PCDHA4: variants seen among roughly 807,000 people sequenced by gnomAD.
PCDHA4 encodes protocadherin alpha 4, also known as protocadherin alpha-4.
Under a neutral mutation model 61.4 loss-of-function variants are expected in PCDHA4, and 49 were observed. The observed-to-expected ratio is 0.80, with a 90% confidence interval of 0.63 to 1.01. The LOEUF (loss-of-function observed/expected upper bound fraction) is 1.01. Ranked by LOEUF, PCDHA4 falls within the 50% of genes least tolerant of loss-of-function variation. The pLI, the probability that PCDHA4 is intolerant of heterozygous loss-of-function variation, is 0.00. For synonymous variants in PCDHA4, 590 were observed against 550.3 expected (o/e 1.07, Z -1.01); for missense variants, 1,254 against 1,235.8 (o/e 1.01, Z -0.22).
intron 1 of PCDHA4, among the ~76,000 whole-genome samples, chr5:140,946,879 G>A (rs246051): frequency 0.56 from 84,931 of 150,730 alleles, 24,535 homozygotes; most frequent in African/African-American, 0.69. Flanking sequence ...CAATGGGTAC[G>A]AAGTTACAAT....
At chr5:140,835,917 G>T in intron 1 of PCDHA4, 1 of 1,612,332 alleles carries the variant, frequency 6.2e-7, no homozygotes, top group Non-Finnish European at 8.5e-7. Flanking sequence ...GTCAGTGCAC[G>T]CGGAGAGCGG....
In PCDHA4 at chr5:140,841,946, C is replaced by T. The variant is rs2150326253; in HGVS notation, c.2385+32374C>T. 2.0e-5 allele frequency: 32 copies of T among 1,613,790 alleles called. No homozygotes were observed. The Admixed American group carries it at 5.3e-4, about 27-fold the overall frequency. Reference sequence around the variant, plus strand: ...GGACAGAGAGGACGCTCCTGCGCACCACTTATTCCTGACAGCCACAGATGG... The same window carrying T: ...GGACAGAGAGGACGCTCCTGCGCACTACTTATTCCTGACAGCCACAGATGG... On this transcript the variant is annotated intron_variant, in intron 1 of 3. Transcript: ENST00000530339.
chr5:140,876,456 TTCC>T, intron 1 of PCDHA4: 1 of 1,614,050 alleles, frequency 6.2e-7, no homozygotes, highest in Non-Finnish European at 8.5e-7. Flanking sequence ...AAGGGATTCC[TTCC>T]ATGGCAGGTC....
chr5:140,835,424 T>C (rs2150235453), intron 1 of PCDHA4: 4 of 1,613,962 alleles, frequency 2.5e-6, no homozygotes, highest in South Asian at 2.2e-5. Flanking sequence ...ATGACAATGC[T>C]CCACAGTTGA....
intron 1 of PCDHA4, among the ~76,000 whole-genome samples, chr5:140,934,801 A>G (rs1470129792): frequency 1.3e-5 from 2 of 152,194 alleles, no homozygotes; most frequent in Non-Finnish European, 2.9e-5. Flanking sequence ...TATCTTTTTA[A>G]TGATCAAATT....
chr5:141,004,632 GA>G (rs1401867459), intron 3 of PCDHA4, among the ~76,000 whole-genome samples: 19 of 152,200 alleles, frequency 1.2e-4, no homozygotes, highest in African/African-American at 3.4e-4. Context: ...TATGGTTGAA[GA>G]AAAATTTCCA....
At chr5:140,908,985 C>G (rs2074252217) in intron 1 of PCDHA4, among the ~76,000 whole-genome samples, 1 of 152,130 alleles carries the variant, frequency 6.6e-6, no homozygotes, top group African/African-American at 2.4e-5. Context: ...CCACTGGACC[C>G]CTAGAAATTT....
chr5:140,928,657 G>A (rs781811102), intron 1 of PCDHA4: 11 of 1,614,102 alleles, frequency 6.8e-6, no homozygotes, highest in Non-Finnish European at 9.3e-6. Context: ...AGAGGATGCT[G>A]ACAGTGGTTC....
rs781837708 is a variant in PCDHA4, at chr5:140,875,917, GAC to G, written c.2385+66346_2385+66347del. On this transcript the variant is annotated intron_variant, in intron 1 of 3. Coordinates refer to ENST00000530339, the MANE Select transcript of PCDHA4 (RefSeq NM_018907.4). Reference sequence around the variant, plus strand: ...ACCTGTTTCTGAATCTGCGCCTCTGGACTCTCATTTTCCTCTAGAGGGCGCTT... The same window carrying G: ...ACCTGTTTCTGAATCTGCGCCTCTGGTCTCATTTTCCTCTAGAGGGCGCTT... 20 of 1,614,146 alleles carry G rather than the reference GAC, an allele frequency of 1.2e-5. 1 individual carries two copies. In the South Asian group the frequency reaches 2.1e-4, roughly 17 times the overall value.
intron 1 of PCDHA4, chr5:140,841,892 C>G: frequency 6.2e-7 from 1 of 1,613,788 alleles, no homozygotes; most frequent in South Asian, 1.1e-5. Flanking sequence ...TGAGAATAAA[C>G]TGGTTGAGCT....
chr5:141,006,361 A>G (rs1384420854), intron 3 of PCDHA4, among the ~76,000 whole-genome samples: 3 of 151,846 alleles, frequency 2.0e-5, no homozygotes, highest in African/African-American at 7.3e-5. Context: ...ATAGGCGCCC[A>G]CCACCACGCC....
chr5:140,870,186 C>T (rs1362653742), intron 1 of PCDHA4: 7 of 1,614,152 alleles, frequency 4.3e-6, no homozygotes, highest in Non-Finnish European at 5.9e-6. Flanking sequence ...TACGAGAGGA[C>T]GCTCAGCCCA....
intron 1 of PCDHA4, chr5:140,876,390 T>C (rs782772987): frequency 1.2e-6 from 2 of 1,613,902 alleles, no homozygotes; most frequent in African/African-American, 1.3e-5. Context: ...GAATTTATGG[T>C]GAACTGGATT....
rs1486042569 is a variant in PCDHA4 at position 140,880,105 on chromosome 5, A to G, written c.2385+70533A>G. On this transcript the variant is annotated intron_variant, in intron 1 of 3. Coordinates refer to ENST00000530339, the MANE Select transcript of PCDHA4 (RefSeq NM_018907.4). ...ATTATAGTAGGCTTAAAATCATAGAAGGATAGACAACAGGAAGCTGAAATA... is the reference window on the plus strand; with the variant it reads ...ATTATAGTAGGCTTAAAATCATAGAGGGATAGACAACAGGAAGCTGAAATA... 1.8e-4 allele frequency among the ~76,000 whole-genome samples: 28 copies of G among 152,256 alleles called. 1 individual carries two copies. Among genetic ancestry groups the G allele is most frequent in the Admixed American group, 1.8e-3 (28 of 15,292 alleles).
At chr5:140,824,358 T>G (rs1768098936) in intron 1 of PCDHA4, 4 of 580,936 alleles carry the variant, frequency 6.9e-6, no homozygotes, top group Admixed American at 3.5e-5. Context: ...ATATTTTATA[T>G]TAGCATTTGA....
chr5:140,995,237 T>G (rs1242320046), intron 3 of PCDHA4, among the ~76,000 whole-genome samples: 1 of 152,148 alleles, frequency 6.6e-6, no homozygotes, highest in African/African-American at 2.4e-5. Context: ...GGGCCAGTAT[T>G]AAGTAAAATA....
intron 1 of PCDHA4, chr5:140,926,742 C>A: frequency 8.3e-7 from 1 of 1,199,336 alleles, no homozygotes; most frequent in Non-Finnish European, 1.1e-6. Flanking sequence ...GGAGGCGCAA[C>A]GTCGGCGGTC....
rs79233681 is a variant in PCDHA4 at position 140,965,822 on chromosome 5, A to T, written c.2386-13127A>T. Among the ~76,000 whole-genome samples the T allele has an allele frequency of 5.2e-3, 789 of 152,324 alleles. 9 individuals are homozygous for T. The highest frequency in any genetic ancestry group is 0.018 in the African/African-American group (747 of 41,576). On this transcript the variant is annotated intron_variant, in intron 1 of 3. Coordinates refer to ENST00000530339, the MANE Select transcript of PCDHA4 (RefSeq NM_018907.4). The stretch of plus-strand genomic sequence containing the variant: ...TTTTTTTAAACAGAGCATTTTAAAC[A>T]TTTAAATATTGGTTATTTGCCAAGG...
At chr5:140,881,048 C>T (rs1409752539) in intron 1 of PCDHA4, among the ~76,000 whole-genome samples, 1 of 152,142 alleles carries the variant, frequency 6.6e-6, no homozygotes, top group Non-Finnish European at 1.5e-5. Context: ...TAGAGTTGTG[C>T]ACAGAACAGG....
Sources: gnomAD v4.1 joint callset for allele counts (sites outside exome capture counted in the v4.1 genomes callset) on GRCh38, gnomAD v4.1.1 for gene constraint, MANE v1.5 for transcripts, NCBI Gene and HGNC (gene_info 2026-07-23, HGNC 2026-07-21) for gene names.